The following UNC79 variants were observed in gnomAD, a reference collection of about 807,000 sequenced individuals.
UNC79 encodes the protein protein unc-79 homolog.
Under a neutral mutation model 283.1 loss-of-function variants are expected in UNC79, and 37 were observed. The ratio of observed to expected loss-of-function variants is 0.13; its 90% confidence interval spans 0.10 to 0.17. The LOEUF is 0.17. Ranked by LOEUF, UNC79 falls within the 10% of genes least tolerant of loss-of-function variation. UNC79 has a pLI of 1.00. For missense variants in UNC79, 2,272 were observed against 3,211.1 expected, an observed-to-expected ratio of 0.71 and a Z score of 7.07; for synonymous variants, 1,107 against 1,200.2, an observed-to-expected ratio of 0.92 and a Z score of 1.61.
At chr14:93,462,856 T>G (rs1440207684) in intron 1 of UNC79, among the ~76,000 whole-genome samples, 1 of 152,094 alleles carries the variant, frequency 6.6e-6, no homozygotes, top group African/African-American at 2.4e-5. Context: ...GTCAGACATG[T>G]TTTCTTTGAG....
At chr14:93,434,090 G>A (rs2140103536) in intron 1 of UNC79, among the ~76,000 whole-genome samples, 1 of 152,224 alleles carries the variant, frequency 6.6e-6, no homozygotes, top group African/African-American at 2.4e-5. Context: ...GTGCATGTCT[G>A]TAATCCCAGC....
chr14:93,420,832 T>A (rs2055581324), intron 1 of UNC79, among the ~76,000 whole-genome samples: 1 of 151,696 alleles, frequency 6.6e-6, no homozygotes, highest in African/African-American at 2.4e-5. Context: ...ACGTGGAAAT[T>A]AAGCAATATA....
At chr14:93,364,708 ATTTACAT>A (rs1383513249) in intron 1 of UNC79, among the ~76,000 whole-genome samples, 21 of 151,644 alleles carry the variant, frequency 1.4e-4, no homozygotes, top group African/African-American at 5.1e-4. Flanking sequence ...TTGAGATATA[ATTTACAT>A]ATCATTCAAT....
At chr14:93,567,586 G>A (rs1009693419) in intron 14 of UNC79, among the ~76,000 whole-genome samples, 3 of 152,108 alleles carry the variant, frequency 2.0e-5, no homozygotes, top group Admixed American at 6.5e-5. Context: ...CTTCCACCAC[G>A]TGGCTATGCT....
chr14:93,347,885 CAGCATTTTAG>C lies in UNC79; in HGVS notation c.-351+14364_-351+14373del, dbSNP rs992413515. 10 of 571,264 alleles carry C rather than the reference CAGCATTTTAG, an allele frequency of 1.8e-5. No individual in the cohort carries two copies. The Admixed American group carries it at 3.1e-4, about 18-fold the overall frequency. 35.4% of individuals were successfully genotyped at this position (571,264 alleles called of 1,614,324 possible). On this transcript the variant is annotated intron_variant, in intron 1 of 49. Coordinates refer to the UNC79 transcript ENST00000256339. ...ATCAGGTGATCCATGAATCGATTTTCAGCATTTTAGATTTCACTAGGCGCCTGTTTCTAGG... is the reference window on the plus strand; with the variant it reads ...ATCAGGTGATCCATGAATCGATTTTCATTTCACTAGGCGCCTGTTTCTAGG...
intron 1 of UNC79, among the ~76,000 whole-genome samples, chr14:93,334,218 TC>T (rs1278151269): frequency 6.6e-6 from 1 of 152,258 alleles, no homozygotes; most frequent in African/African-American, 2.4e-5. Context: ...CCTCTGGACT[TC>T]CTTCAGATTT....
intron 31 of UNC79, among the ~76,000 whole-genome samples, chr14:93,635,784 T>G (rs2068460729): frequency 6.6e-6 from 1 of 152,210 alleles, no homozygotes; most frequent in Non-Finnish European, 1.5e-5. Context: ...TATGTGGTAG[T>G]GAGCAGTGAA....
chr14:93,652,159 A>G (rs1332134591), intron 35 of UNC79, among the ~76,000 whole-genome samples: 2 of 152,034 alleles, frequency 1.3e-5, no homozygotes, highest in African/African-American at 2.4e-5. Flanking sequence ...CCTCTCTTAC[A>G]GGGAAAGTAT....
chr14:93,671,808 GTAAATAATCCCACTAAA>G (rs2072891718), intron 40 of UNC79, among the ~76,000 whole-genome samples: 1 of 151,888 alleles, frequency 6.6e-6, no homozygotes, highest in Non-Finnish European at 1.5e-5. Flanking sequence ...CAACAAAAAT[GTAAATAATCCCACTAAA>G]TAAATAATCC....
At chr14:93,658,244 G>A (rs1039538545) in intron 38 of UNC79, among the ~76,000 whole-genome samples, 1 of 152,180 alleles carries the variant, frequency 6.6e-6, no homozygotes, top group Non-Finnish European at 1.5e-5. Context: ...GTTTTCATCA[G>A]TTTATAGAAG....
intron 4 of UNC79, among the ~76,000 whole-genome samples, chr14:93,482,031 T>A (rs1424165278): frequency 1.3e-5 from 2 of 152,240 alleles, no homozygotes; most frequent in Non-Finnish European, 2.9e-5. Flanking sequence ...CCATGTTTGT[T>A]GTGAAGACCA....
At chr14:93,626,732 G>A (rs1194030232) in intron 30 of UNC79, among the ~76,000 whole-genome samples, 1 of 151,542 alleles carries the variant, frequency 6.6e-6, no homozygotes, top group Non-Finnish European at 1.5e-5. Context: ...TTTAAATTTT[G>A]GTATCATTTA....
chr14:93,453,385 A>G (rs2056704791), intron 1 of UNC79, among the ~76,000 whole-genome samples: 1 of 152,226 alleles, frequency 6.6e-6, no homozygotes, highest in South Asian at 2.1e-4. Flanking sequence ...GATTTTCACC[A>G]AATAATTCCT....
Position 93,621,968 on chromosome 14 carries a change from C to G in UNC79, c.4735C>G (p.Pro1579Ala), listed in dbSNP as rs767348478. Reference sequence around the variant, plus strand: ...TCCAGATGCTCGAAGGCCTGTCATACCAGAGGTTAGGTTAAACTGTATGGA... The same window carrying G: ...TCCAGATGCTCGAAGGCCTGTCATAGCAGAGGTTAGGTTAAACTGTATGGA... Residue 1579 changes from proline (P) to alanine (A), a missense_variant, in exon 30 of 49, where the codon CCA becomes GCA. Coordinates refer to ENST00000555664, the Ensembl canonical transcript of UNC79. This position sits in a 1 kb window ranked among gnomAD's most constrained non-coding sequence, Gnocchi z 4.8. 3.7e-6 allele frequency: 6 copies of G among 1,613,832 alleles called. No homozygotes were observed. Among genetic ancestry groups the G allele is most frequent in the Non-Finnish European group, 1.7e-6 (2 of 1,180,000 alleles).
At chr14:93,420,455 G>A (rs2055571619) in intron 1 of UNC79, among the ~76,000 whole-genome samples, 2 of 151,714 alleles carry the variant, frequency 1.3e-5, no homozygotes. Flanking sequence ...CCAGATATAT[G>A]AAGAAAATAT....
intron 1 of UNC79, among the ~76,000 whole-genome samples, chr14:93,389,802 C>A (rs1052017675): frequency 4.6e-5 from 7 of 152,112 alleles, no homozygotes; most frequent in African/African-American, 1.7e-4. Flanking sequence ...CAGGCACATG[C>A]CATCACATCT....
chr14:93,597,562 C>T (rs1484436460), intron 24 of UNC79, 22 bp downstream of exon 24: 2 of 1,603,434 alleles, frequency 1.2e-6, no homozygotes, highest in Admixed American at 1.7e-5. Context: ...TTTGTGTTAT[C>T]TGCTCCGAAG....
chr14:93,357,742 T>C (rs2054123941), intron 1 of UNC79, among the ~76,000 whole-genome samples: 1 of 124,790 alleles, frequency 8.0e-6, no homozygotes, highest in Non-Finnish European at 1.6e-5. Flanking sequence ...TGTATATATA[T>C]ATATGGATAT....
intron 8 of UNC79, 93 bp downstream of exon 8, chr14:93,524,135 G>A: frequency 7.2e-7 from 1 of 1,390,730 alleles, no homozygotes; most frequent in East Asian, 2.3e-5. Context: ...CTGTAAAGCA[G>A]AGGCATGTCC....
Sources: allele counts gnomAD v4.1 joint callset (sites outside exome capture counted in the v4.1 genomes callset), GRCh38; gene constraint gnomAD v4.1.1; non-coding constraint Gnocchi (gnomAD v3.1); transcripts MANE v1.5; gene names NCBI Gene and HGNC (gene_info 2026-07-23, HGNC 2026-07-21).